Variants in ADGRL3 observed in about 807,000 individuals in gnomAD.
The protein encoded by ADGRL3 is adhesion G protein-coupled receptor L3.
ADGRL3 carries 62 observed loss-of-function variants against 153.5 expected under a neutral mutation model. The ratio of observed to expected loss-of-function variants is 0.40; its 90% CI spans 0.33 to 0.50. ADGRL3 has a LOEUF of 0.50. ADGRL3 is among the 20% of genes least tolerant of loss of function. The pLI is 0.47. For missense variants in ADGRL3, 1,641 were observed against 1,859.4 expected (o/e 0.88, Z 2.16); for synonymous variants, 710 against 672.5 (o/e 1.06, Z -0.86).
rs568145054 is a variant in ADGRL3, at chr4:61,922,429, C to T, written c.2112+9672C>T. Among the ~76,000 whole-genome samples the T allele has an allele frequency of 2.2e-4, 33 of 152,246 alleles. No homozygotes were observed. In the South Asian group the frequency reaches 6.2e-3, roughly 29 times the overall value. On this transcript the variant is annotated intron_variant, in intron 13 of 26. Coordinates refer to ENST00000683033, the MANE Select transcript of ADGRL3 (RefSeq NM_001387552.1). ...AGCTTCCTCTATTGTTAACATCTTACATTAGTATGGTATATTTATAATAAT... is the reference window on the plus strand; with the variant it reads ...AGCTTCCTCTATTGTTAACATCTTATATTAGTATGGTATATTTATAATAAT...
At chr4:62,038,216 A>G (rs1370718261) in intron 24 of ADGRL3, among the ~76,000 whole-genome samples, 1 of 152,144 alleles carries the variant, frequency 6.6e-6, no homozygotes, top group Non-Finnish European at 1.5e-5. Flanking sequence ...TAATTCTTCT[A>G]ACTAGTATAA....
chr4:61,428,894 C>CTATCT (rs1385339501), intron 2 of ADGRL3, among the ~76,000 whole-genome samples: 32 of 98,380 alleles, frequency 3.3e-4, no homozygotes, highest in Non-Finnish European at 4.7e-4. Context: ...CTATCTATAT[C>CTATCT]ATCTATCTAT....
Position 61,352,887 on chromosome 4 carries a change from C to T in ADGRL3, c.-239-30237C>T, listed in dbSNP as rs574842463. The stretch of plus-strand genomic sequence containing the variant: ...GGCAACAGCCACAATTACTTTTGCA[C>T]CAACCCAATACATCTAATGATTTGA... On this transcript the variant is annotated intron_variant, in intron 1 of 26. Transcript: ENST00000683033. 1.1e-4 allele frequency among the ~76,000 whole-genome samples: 17 copies of T among 152,184 alleles called. No homozygotes were observed. In the South Asian group the frequency reaches 3.5e-3, roughly 32 times the overall value.
chr4:61,449,861 A>T (rs908647994), intron 2 of ADGRL3, among the ~76,000 whole-genome samples: 7 of 152,194 alleles, frequency 4.6e-5, no homozygotes, highest in African/African-American at 1.4e-4. Context: ...GAGTTTCTCC[A>T]CCACCTTTAA....
At chr4:61,468,284 C>T (rs989905237) in intron 2 of ADGRL3, among the ~76,000 whole-genome samples, 1 of 152,122 alleles carries the variant, frequency 6.6e-6, no homozygotes, top group Non-Finnish European at 1.5e-5. Flanking sequence ...TGCTTTACTA[C>T]TAGGCTTATA....
At chr4:61,280,716 ATTAAC>A (rs1331885506) in intron 1 of ADGRL3, among the ~76,000 whole-genome samples, 1 of 152,178 alleles carries the variant, frequency 6.6e-6, no homozygotes, top group Non-Finnish European at 1.5e-5. Context: ...GAAATAGATA[ATTAAC>A]TTCAGAAGTT....
At chr4:62,008,230 T>A (rs867211523) in intron 21 of ADGRL3, among the ~76,000 whole-genome samples, 1 of 152,116 alleles carries the variant, frequency 6.6e-6, no homozygotes, top group Non-Finnish European at 1.5e-5. Context: ...GGGGAGGTTG[T>A]TGTTGTTGAT....
chr4:61,618,346 C>G (rs775983453), intron 5 of ADGRL3, among the ~76,000 whole-genome samples: 2 of 152,204 alleles, frequency 1.3e-5, no homozygotes, highest in African/African-American at 2.4e-5. Context: ...TTCAATCAGA[C>G]AAACCAAGAT....
intron 11 of ADGRL3, among the ~76,000 whole-genome samples, chr4:61,897,640 TA>T (rs2098639313): frequency 6.6e-6 from 1 of 152,214 alleles, no homozygotes; most frequent in African/African-American, 2.4e-5. Flanking sequence ...CACAAAACTC[TA>T]ACACTTTTAA....
chr4:61,498,821 T>C (rs1484741797), intron 3 of ADGRL3, among the ~76,000 whole-genome samples: 2 of 152,134 alleles, frequency 1.3e-5, no homozygotes, highest in Admixed American at 6.6e-5. Flanking sequence ...ACTGAATCTC[T>C]CTCAAACCTG....
intron 17 of ADGRL3, among the ~76,000 whole-genome samples, chr4:61,979,227 A>G (rs1478449956): frequency 6.6e-6 from 1 of 152,236 alleles, no homozygotes; most frequent in Non-Finnish European, 1.5e-5. Flanking sequence ...AAAAAGTGAT[A>G]TAAATTTAAA....
At chr4:61,845,944 C>A (rs564190796) in intron 9 of ADGRL3, among the ~76,000 whole-genome samples, 2 of 152,206 alleles carry the variant, frequency 1.3e-5, no homozygotes, top group South Asian at 2.1e-4. Flanking sequence ...GAATTTTATA[C>A]CATTTATTGG....
At chr4:61,786,211 G>C (rs944979994) in intron 8 of ADGRL3, among the ~76,000 whole-genome samples, 2 of 152,156 alleles carry the variant, frequency 1.3e-5, no homozygotes, top group African/African-American at 2.4e-5. Context: ...CTTCAGAAAG[G>C]CTGATTTCTT....
At chr4:61,224,409 C>T (rs1426393800) in intron 1 of ADGRL3, among the ~76,000 whole-genome samples, 1 of 152,148 alleles carries the variant, frequency 6.6e-6, no homozygotes, top group Non-Finnish European at 1.5e-5. Flanking sequence ...TTTGTTCTTT[C>T]ATTTTTAATA....
Position 61,939,493 on chromosome 4 carries a change from G to C in ADGRL3, c.2419+3448G>C, listed in dbSNP as rs369343952. 6.2e-4 allele frequency among the ~76,000 whole-genome samples: 88 copies of C among 142,536 alleles called. 1 individual carries two copies. The East Asian group carries it at 0.01, about 17-fold the overall frequency. The allele number at this position is 142,536 out of a possible 152,430, so 93.5% of individuals were successfully genotyped here. A position where few individuals can be genotyped will look rare whatever the true frequency, so the allele number is the denominator to read the frequency against. ...TTTTTTTCTTTTTTTTTTTTGAGACGGAGTCTCACTCTGTCACCCAGGCTG... is the reference window on the plus strand; with the variant it reads ...TTTTTTTCTTTTTTTTTTTTGAGACCGAGTCTCACTCTGTCACCCAGGCTG... On this transcript the variant is annotated intron_variant, in intron 15 of 26. Transcript: ENST00000683033.
At chr4:61,774,645 G>T (rs2097126809) in intron 8 of ADGRL3, among the ~76,000 whole-genome samples, 1 of 152,004 alleles carries the variant, frequency 6.6e-6, no homozygotes, top group Non-Finnish European at 1.5e-5. Context: ...GATACAGAAA[G>T]ATGACTGTAT....
At chr4:61,842,174 A>G (rs2098042835) in intron 9 of ADGRL3, among the ~76,000 whole-genome samples, 2 of 152,226 alleles carry the variant, frequency 1.3e-5, no homozygotes, top group African/African-American at 4.8e-5. Flanking sequence ...ACTACAGAGA[A>G]AAGTGAAAAT....
chr4:62,042,056 G>A (rs1007469884), intron 24 of ADGRL3, among the ~76,000 whole-genome samples: 1 of 151,968 alleles, frequency 6.6e-6, no homozygotes, highest in Non-Finnish European at 1.5e-5. Context: ...AAGGTATATA[G>A]TATGGAAAAG....
At chr4:62,026,906 A>T (rs1718953542) in intron 21 of ADGRL3, among the ~76,000 whole-genome samples, 1 of 152,092 alleles carries the variant, frequency 6.6e-6, no homozygotes, top group Non-Finnish European at 1.5e-5. Context: ...TGTATCCCAT[A>T]GCATCATGCT....
Sources: allele counts gnomAD v4.1 joint callset (sites outside exome capture counted in the v4.1 genomes callset), GRCh38; gene constraint gnomAD v4.1.1; transcripts MANE v1.5; gene names NCBI Gene and HGNC (gene_info 2026-07-23, HGNC 2026-07-21).